Variants in HYDIN observed in about 807,000 individuals in gnomAD.
The protein encoded by HYDIN is HYDIN axonemal central pair apparatus protein.
A neutral mutation model predicts 403.9 loss-of-function variants in HYDIN; 132 were observed. The observed-to-expected ratio is 0.33, with a 90% CI of 0.28 to 0.38. HYDIN has a LOEUF of 0.38. Ranked by LOEUF, HYDIN falls within the 10% of genes least tolerant of loss-of-function variation. HYDIN has a pLI of 1.00. For synonymous variants in HYDIN, 1,202 were observed against 1,891.7 expected, an observed-to-expected ratio of 0.64 and a Z score of 9.46; for missense variants, 2,827 against 5,009.5, an observed-to-expected ratio of 0.56 and a Z score of 13.15.
intron 18 of HYDIN, among the ~76,000 whole-genome samples, chr16:71,045,498 T>G (rs1279231733): frequency 6.6e-6 from 1 of 151,834 alleles, no homozygotes. Flanking sequence ...TAATTCATAT[T>G]GTTTTCAAGT....
In HYDIN at chr16:70,920,616, C is replaced by T. The variant is rs750396481; in HGVS notation, c.7760G>A (p.Ser2587Asn). 1.2e-6 allele frequency: 2 copies of T among 1,613,640 alleles called. No individual in the cohort carries two copies. Among genetic ancestry groups the T allele is most frequent in the Non-Finnish European group, 1.7e-6 (2 of 1,179,800 alleles). ...CTGCTCTCCTTTGGGAAGCTTGTCGCTCTCTAGGGCCTGCTTCCAGCTCAA... is the reference window on the plus strand; with the variant it reads ...CTGCTCTCCTTTGGGAAGCTTGTCGTTCTCTAGGGCCTGCTTCCAGCTCAA... ...EGLSWKQALE[S>N]DKLPKGEQIL... The change falls in exon 46 of 86, where the codon AGC (serine) becomes AAC (asparagine). Residue 2587 changes from serine to asparagine, a missense_variant. Transcript: ENST00000393567.
At chr16:70,961,226 C>A (rs1023965082) in intron 38 of HYDIN, among the ~76,000 whole-genome samples, 1 of 152,172 alleles carries the variant, frequency 6.6e-6, no homozygotes, top group Non-Finnish European at 1.5e-5. Flanking sequence ...CCAGGAACCA[C>A]TTGGGGGCCC....
intron 14 of HYDIN, 59 bp downstream of exon 14, chr16:71,069,208 A>G (rs1192797890): frequency 4.7e-6 from 7 of 1,477,706 alleles, no homozygotes; most frequent in Non-Finnish European, 6.4e-6. Flanking sequence ...ATGAGGGCCC[A>G]TGACTATTTT....
chr16:70,918,647 T>C (rs1377549916), intron 46 of HYDIN, among the ~76,000 whole-genome samples: 1 of 152,226 alleles, frequency 6.6e-6, no homozygotes, highest in Non-Finnish European at 1.5e-5. Context: ...CTCTTAATGT[T>C]CTAATATCTA....
chr16:71,180,801 A>C (rs146991966), intron 3 of HYDIN, among the ~76,000 whole-genome samples: 143 of 152,272 alleles, frequency 9.4e-4, no homozygotes, highest in African/African-American at 3.2e-3. Flanking sequence ...TATTTCAAAA[A>C]TTCAAAATAA....
rs528294309 is a variant in HYDIN at position 71,212,251 on chromosome 16, T to C, written c.-24+18311A>G. The stretch of plus-strand genomic sequence containing the variant: ...ACAGTATTGTGGTTATGCAAGAGAA[T>C]GTTCTTGGTCTTAGGAGATACCAGC... On this transcript the variant is annotated intron_variant, in intron 1 of 85. Coordinates refer to ENST00000393567, the MANE Select transcript of HYDIN (RefSeq NM_001270974.2). Among the ~76,000 whole-genome samples, 21 of 152,340 alleles carry C rather than the reference T, an allele frequency of 1.4e-4. No individual in the cohort carries two copies. In the South Asian group the frequency reaches 2.5e-3, roughly 18 times the overall value.
chr16:71,161,614 C>T (rs143042422), intron 6 of HYDIN, among the ~76,000 whole-genome samples: 146 of 152,322 alleles, frequency 9.6e-4, no homozygotes, highest in African/African-American at 3.1e-3. Context: ...CAGCTCACCA[C>T]GCTGAACTCT....
At chr16:70,841,574 G>A (rs1158860788) in intron 75 of HYDIN, among the ~76,000 whole-genome samples, 1 of 152,050 alleles carries the variant, frequency 6.6e-6, no homozygotes, top group Non-Finnish European at 1.5e-5. Context: ...CATTGTGATG[G>A]TATTGGGAAG....
At chr16:71,115,257 T>C (rs548002427) in intron 10 of HYDIN, among the ~76,000 whole-genome samples, 2 of 152,296 alleles carry the variant, frequency 1.3e-5, no homozygotes, top group East Asian at 3.9e-4. Context: ...AGGGGCTCTT[T>C]CCTCCTTTAC....
At chr16:70,982,864 C>T (rs561530337) in intron 28 of HYDIN, among the ~76,000 whole-genome samples, 2 of 128,594 alleles carry the variant, frequency 1.6e-5, no homozygotes, top group Non-Finnish European at 3.2e-5. Context: ...AATGTGGGAA[C>T]GTGTATGTAG....
Position 70,805,378 on chromosome 16 carries a change from G to C in HYDIN, c.*2202C>G, listed in dbSNP as rs1325419022. Among the ~76,000 whole-genome samples the C allele has an allele frequency of 1.3e-5, 2 of 152,192 alleles. No individual in the cohort carries two copies. Among genetic ancestry groups the C allele is most frequent in the East Asian group, 1.9e-4 (1 of 5,204 alleles). On this transcript the variant is annotated 3_prime_UTR_variant, in exon 86 of 86. Transcript: ENST00000393567. Reference sequence around the variant, plus strand: ...TTCTAACAAATTCCCAGGTGATGCTGATGCTGCAGGTCCATAGGCCACTCC... The same window carrying C: ...TTCTAACAAATTCCCAGGTGATGCTCATGCTGCAGGTCCATAGGCCACTCC...
At chr16:71,073,224 C>T (rs548543388) in intron 13 of HYDIN, among the ~76,000 whole-genome samples, 3 of 152,134 alleles carry the variant, frequency 2.0e-5, no homozygotes, top group South Asian at 2.1e-4. Context: ...CTCTCCCTTG[C>T]GTACTTTTGT....
At chr16:70,847,528 A>G (rs2038296577) in intron 75 of HYDIN, among the ~76,000 whole-genome samples, 1 of 151,974 alleles carries the variant, frequency 6.6e-6, no homozygotes, top group Non-Finnish European at 1.5e-5. Flanking sequence ...GTCCTGGTTT[A>G]TCCTTCATTT....
At chr16:71,113,488 A>C (rs1052787242) in intron 10 of HYDIN, 2 of 152,178 alleles carry the variant, frequency 1.3e-5, no homozygotes, top group Non-Finnish European at 2.9e-5. Flanking sequence ...CTTTATAGCA[A>C]AGGGCCCAAT....
intron 1 of HYDIN, among the ~76,000 whole-genome samples, chr16:71,197,680 C>T (rs1388825081): frequency 2.0e-5 from 3 of 152,200 alleles, no homozygotes; most frequent in Non-Finnish European, 4.4e-5. Flanking sequence ...CGTAGACGCT[C>T]TCTCCCCATT....
intron 14 of HYDIN, among the ~76,000 whole-genome samples, chr16:71,068,902 C>A (rs1222270951): frequency 1.3e-5 from 2 of 152,182 alleles, no homozygotes; most frequent in Non-Finnish European, 2.9e-5. Context: ...TTATTGCTAT[C>A]TAAAGGATCT....
intron 14 of HYDIN, among the ~76,000 whole-genome samples, 188 bp downstream of exon 14, chr16:71,069,079 T>C (rs1407544355): frequency 6.6e-6 from 1 of 151,528 alleles, no homozygotes; most frequent in African/African-American, 2.4e-5. Context: ...ACTGGCACAG[T>C]GCCCATTGCT....
chr16:71,176,305 CAAA>C (rs530492551), intron 4 of HYDIN, among the ~76,000 whole-genome samples: 4 of 68,852 alleles, frequency 5.8e-5, no homozygotes, highest in Admixed American at 1.7e-4. Context: ...GACTCTGTCT[CAAA>C]AAAAAAAAAA....
intron 10 of HYDIN, 118 bp downstream of exon 10, chr16:71,115,578 T>C: frequency 1.6e-6 from 1 of 635,610 alleles, no homozygotes; most frequent in South Asian, 2.1e-5. Context: ...ATCAATATCA[T>C]GTACCGCCCA....
Sources: allele counts gnomAD v4.1 joint callset (sites outside exome capture counted in the v4.1 genomes callset), GRCh38; gene constraint gnomAD v4.1.1; transcripts MANE v1.5; gene names NCBI Gene and HGNC (gene_info 2026-07-23, HGNC 2026-07-21).